The following ENOX1 variants were observed in gnomAD, a reference collection of about 807,000 sequenced individuals.
ENOX1 encodes candidate growth-related and time keeping constitutive hydroquinone (NADH) oxidase.
A neutral mutation model predicts 82.5 loss-of-function variants in ENOX1; 42 were observed. The ratio of observed to expected loss-of-function variants is 0.51; its 90% CI spans 0.40 to 0.66. The LOEUF (loss-of-function observed/expected upper bound fraction) is 0.66. Ranked by LOEUF, ENOX1 falls within the 30% of genes least tolerant of loss-of-function variation. The pLI is 0.00. For missense variants in ENOX1, 608 were observed against 811.6 expected (o/e 0.75, Z 3.05); for synonymous variants, 271 against 282.2 (o/e 0.96, Z 0.40).
intron 1 of ENOX1, among the ~76,000 whole-genome samples, chr13:43,783,979 T>G (rs1952426573): frequency 6.6e-6 from 1 of 152,172 alleles, no homozygotes; most frequent in Admixed American, 6.5e-5. Flanking sequence ...TGCTTTGTTT[T>G]TCATTCACAG....
chr13:43,515,517 T>C (rs1453199880), intron 2 of ENOX1, among the ~76,000 whole-genome samples: 3 of 152,198 alleles, frequency 2.0e-5, no homozygotes, highest in African/African-American at 7.2e-5. Context: ...ACATCCTAGG[T>C]CTTGTTAATT....
At chr13:43,287,863 C>T (rs749565115) in intron 12 of ENOX1, among the ~76,000 whole-genome samples, 1 of 152,102 alleles carries the variant, frequency 6.6e-6, no homozygotes, top group Non-Finnish European at 1.5e-5. Context: ...AGCCCTGGGC[C>T]GAGAATTGGA....
At chr13:43,643,386 T>A (rs1267618654) in intron 2 of ENOX1, among the ~76,000 whole-genome samples, 3 of 152,212 alleles carry the variant, frequency 2.0e-5, no homozygotes, top group Non-Finnish European at 4.4e-5. Flanking sequence ...AACAGGGAAG[T>A]AACATCAGTG....
intron 2 of ENOX1, among the ~76,000 whole-genome samples, chr13:43,507,758 A>G (rs2077224076): frequency 6.6e-6 from 1 of 152,044 alleles, no homozygotes; most frequent in South Asian, 2.1e-4. Context: ...ATCTAGGAAA[A>G]AGGGGATTTC....
chr13:43,541,173 G>GTTTTTTTTTTTTTT (rs553504525), intron 2 of ENOX1, among the ~76,000 whole-genome samples: 1,195 of 64,454 alleles, frequency 0.019, 339 homozygotes, highest in Non-Finnish European at 0.029. Context: ...TCTTCCCTCT[G>GTTTTTTTTTTTTTT]TTTTTTTTTT....
At chr13:43,362,156 TACACACACAC>T (rs10531058) in intron 5 of ENOX1, among the ~76,000 whole-genome samples, 62 of 145,798 alleles carry the variant, frequency 4.3e-4, no homozygotes, top group South Asian at 1.3e-3. Flanking sequence ...TGCCCTGTAT[TACACACACAC>T]ACACACACAC....
At chr13:43,765,500 C>T (rs527856184) in intron 1 of ENOX1, among the ~76,000 whole-genome samples, 4 of 152,138 alleles carry the variant, frequency 2.6e-5, no homozygotes, top group Non-Finnish European at 5.9e-5. Flanking sequence ...TGACACCCTG[C>T]TGTGCACCCC....
intron 5 of ENOX1, among the ~76,000 whole-genome samples, chr13:43,377,144 T>A (rs945871356): frequency 6.6e-6 from 1 of 152,214 alleles, no homozygotes; most frequent in African/African-American, 2.4e-5. Context: ...TGAGGGAGGT[T>A]ATGCCCTCAT....
At chr13:43,713,059 T>G (rs2087846521) in intron 1 of ENOX1, among the ~76,000 whole-genome samples, 1 of 152,184 alleles carries the variant, frequency 6.6e-6, no homozygotes, top group Non-Finnish European at 1.5e-5. Context: ...TTGTCATAGA[T>G]AGCTCTTATT....
At chr13:43,670,855 A>G (rs1320416413) in intron 1 of ENOX1, among the ~76,000 whole-genome samples, 2 of 124,160 alleles carry the variant, frequency 1.6e-5, no homozygotes, top group Non-Finnish European at 3.4e-5. Flanking sequence ...ACAACAAAAC[A>G]ACAACAACAA....
intron 2 of ENOX1, among the ~76,000 whole-genome samples, chr13:43,558,644 A>G (rs1490481124): frequency 3.9e-5 from 6 of 152,226 alleles, no homozygotes; most frequent in Admixed American, 2.6e-4. Context: ...ACATTTCAAC[A>G]TTAAACAGAC....
chr13:43,265,029 G>A (rs557375276), intron 14 of ENOX1, among the ~76,000 whole-genome samples: 2 of 152,276 alleles, frequency 1.3e-5, no homozygotes, highest in South Asian at 2.1e-4. Context: ...TACCACCTTC[G>A]CTGGCAGGCA....
chr13:43,481,009 A>G (rs1197132300), intron 3 of ENOX1, among the ~76,000 whole-genome samples: 2 of 152,208 alleles, frequency 1.3e-5, no homozygotes, highest in Non-Finnish European at 2.9e-5. Flanking sequence ...AGCCAGCATA[A>G]GCCTGATACC....
intron 1 of ENOX1, among the ~76,000 whole-genome samples, chr13:43,711,319 G>A (rs114776709): frequency 9.9e-5 from 15 of 151,946 alleles, no homozygotes; most frequent in Admixed American, 2.6e-4. Context: ...CAGTCTTACC[G>A]TTGTTCGACA....
intron 13 of ENOX1, 80 bp downstream of exon 13, chr13:43,269,386 ATGTT>A: frequency 9.5e-7 from 1 of 1,049,154 alleles, no homozygotes; most frequent in Non-Finnish European, 1.5e-6. Context: ...CTTTCAGTAA[ATGTT>A]TGCACGGGTG....
chr13:43,722,986 C>A (rs2088680259), intron 1 of ENOX1, among the ~76,000 whole-genome samples: 1 of 152,162 alleles, frequency 6.6e-6, no homozygotes, highest in Admixed American at 6.5e-5. Context: ...TTAAAAATAT[C>A]AAGGAGACAA....
chr13:43,306,412 A>G (rs947192339), intron 11 of ENOX1, among the ~76,000 whole-genome samples: 1 of 152,178 alleles, frequency 6.6e-6, no homozygotes, highest in African/African-American at 2.4e-5. Flanking sequence ...TTATAGGGCC[A>G]TTTAAAAAAA....
chr13:43,553,518 T>C (rs2079296931), intron 2 of ENOX1, among the ~76,000 whole-genome samples: 1 of 152,226 alleles, frequency 6.6e-6, no homozygotes, highest in Non-Finnish European at 1.5e-5. Flanking sequence ...CCCTTTTTGA[T>C]GTCATTTGTA....
At chr13:43,777,767 C>T (rs1243353415) in intron 1 of ENOX1, among the ~76,000 whole-genome samples, 1 of 151,698 alleles carries the variant, frequency 6.6e-6, no homozygotes, top group Non-Finnish European at 1.5e-5. Flanking sequence ...TCTGGCTGGT[C>T]TCGAACTCCT....
Sources: gnomAD v4.1 joint callset for allele counts (sites outside exome capture counted in the v4.1 genomes callset) on GRCh38, gnomAD v4.1.1 for gene constraint, MANE v1.5 for transcripts, NCBI Gene and HGNC (gene_info 2026-07-23, HGNC 2026-07-21) for gene names.